PCDHA13: variants seen among roughly 807,000 people sequenced by gnomAD.
The protein encoded by PCDHA13 is protocadherin alpha-13.
Under a neutral mutation model 64.8 loss-of-function variants are expected in PCDHA13, and 54 were observed. That is an observed-to-expected ratio of 0.83 (90% CI 0.67 to 1.04). The LOEUF (loss-of-function observed/expected upper bound fraction) is 1.04, where lower values mean the gene tolerates loss of function less well. PCDHA13 is among the 50% of genes least tolerant of loss of function. PCDHA13 has a pLI of 0.00. For missense variants in PCDHA13, 1,248 were observed against 1,254.3 expected, an observed-to-expected ratio of 0.99 and a Z score of 0.08; for synonymous variants, 587 against 564.4, an observed-to-expected ratio of 1.04 and a Z score of -0.57.
At chr5:140,967,671 A>G in intron 1 of PCDHA13, 1 of 1,614,130 alleles carries the variant, frequency 6.2e-7, no homozygotes, top group Non-Finnish European at 8.5e-7. Context: ...TACACGTCGG[A>G]CCGGGAGAGG....
At chr5:140,936,519 G>A (rs77875081) in intron 1 of PCDHA13, among the ~76,000 whole-genome samples, 2,263 of 152,276 alleles carry the variant, frequency 0.015, 25 homozygotes, top group Non-Finnish European at 0.022. Context: ...TAAATTACCT[G>A]AAATTGCTTT....
At chr5:140,964,753 T>A (rs1411001872) in intron 1 of PCDHA13, among the ~76,000 whole-genome samples, 1 of 149,084 alleles carries the variant, frequency 6.7e-6, no homozygotes, top group East Asian at 1.9e-4. Context: ...TGTAGGGATG[T>A]TTGGGGAGGA....
chr5:140,894,554 G>GAAA (rs1204407145), intron 1 of PCDHA13, among the ~76,000 whole-genome samples: 2 of 151,600 alleles, frequency 1.3e-5, no homozygotes, highest in African/African-American at 4.8e-5. Context: ...GTTTACTTCT[G>GAAA]AAAAAATTAT....
At chr5:140,911,589 C>A (rs1583792136) in intron 1 of PCDHA13, among the ~76,000 whole-genome samples, 1 of 152,302 alleles carries the variant, frequency 6.6e-6, no homozygotes, top group Middle Eastern at 3.4e-3. Flanking sequence ...TTAGGAGGAA[C>A]CAACCAACTT....
Position 140,884,054 on chromosome 5 carries a change from G to C in PCDHA13, c.1786G>C (p.Ala596Pro), listed in dbSNP as rs1313975286. 8 of 1,613,390 alleles carry C rather than the reference G, an allele frequency of 5.0e-6. No individual in the cohort carries two copies. Among genetic ancestry groups the C allele is most frequent in the Non-Finnish European group, 4.2e-6 (5 of 1,179,760 alleles). Residue 596 changes from alanine (A) to proline (P), a missense_variant, in exon 1 of 4, where the codon GCG (alanine) becomes CCG (proline). Transcript: ENST00000289272. ...AGGCCACGTGGTGGCGAAGGTGCGC[G>C]CGGTGGACGCCGATTCGGGCTACAA... ...GAGHVVAKVRAVDADSGYNAW... is the reference protein window; with the variant it reads ...GAGHVVAKVRPVDADSGYNAW...
chr5:140,975,903 C>A (rs1189531342), intron 1 of PCDHA13, among the ~76,000 whole-genome samples: 1 of 152,090 alleles, frequency 6.6e-6, no homozygotes, highest in Admixed American at 6.6e-5. Context: ...AGTTTTGTGA[C>A]CATTATTCTA....
At chr5:140,959,602 C>CTT (rs1554224184) in intron 1 of PCDHA13, among the ~76,000 whole-genome samples, 1 of 152,008 alleles carries the variant, frequency 6.6e-6, no homozygotes, top group African/African-American at 2.4e-5. Context: ...GTATAACATG[C>CTT]TTTTCTTGCT....
chr5:140,948,017 T>TTTTCC (rs1351599974), intron 1 of PCDHA13, among the ~76,000 whole-genome samples: 1 of 151,262 alleles, frequency 6.6e-6, no homozygotes, highest in African/African-American at 2.4e-5. Flanking sequence ...GGAAGTACCC[T>TTTTCC]TTCTGGTTTG....
chr5:140,940,164 A>G (rs2092564000), intron 1 of PCDHA13, among the ~76,000 whole-genome samples: 1 of 152,170 alleles, frequency 6.6e-6, no homozygotes, highest in Non-Finnish European at 1.5e-5. Context: ...TTTGCCTGAA[A>G]TGTCATTCTT....
chr5:140,980,699 A>G (rs1183109723), intron 2 of PCDHA13, among the ~76,000 whole-genome samples: 1 of 152,186 alleles, frequency 6.6e-6, no homozygotes, highest in African/African-American at 2.4e-5. Flanking sequence ...AAAAAAGCCA[A>G]ATGTGCTCCT....
chr5:140,957,778 A>G (rs1554223119), intron 1 of PCDHA13, among the ~76,000 whole-genome samples: 4 of 152,122 alleles, frequency 2.6e-5, no homozygotes, highest in African/African-American at 9.7e-5. Context: ...AGTAAAAACT[A>G]AGTTCATCAT....
At chr5:140,995,698 G>A (rs963042409) in intron 3 of PCDHA13, among the ~76,000 whole-genome samples, 2 of 152,104 alleles carry the variant, frequency 1.3e-5, no homozygotes, top group African/African-American at 2.4e-5. Flanking sequence ...TTAAATAAAG[G>A]GCTGGGCTTG....
At chr5:140,926,664 C>T (rs2083450429) in intron 1 of PCDHA13, 1 of 546,968 alleles carries the variant, frequency 1.8e-6, no homozygotes, top group East Asian at 3.5e-5. Context: ...CTTTCCCAGA[C>T]GGCTGCCCAG....
At chr5:140,965,143 G>A (rs1451263269) in intron 1 of PCDHA13, among the ~76,000 whole-genome samples, 1 of 152,230 alleles carries the variant, frequency 6.6e-6, no homozygotes, top group Admixed American at 6.5e-5. Context: ...AGAATACTGG[G>A]AGATGAAGAG....
intron 1 of PCDHA13, among the ~76,000 whole-genome samples, chr5:140,977,523 C>G (rs1393138256): frequency 2.0e-5 from 3 of 152,070 alleles, no homozygotes; most frequent in African/African-American, 7.2e-5. Flanking sequence ...AACTTGAAAA[C>G]AAAGGAGGAA....
At chr5:140,967,424 G>A (rs1554229541) in intron 1 of PCDHA13, 4 of 1,613,184 alleles carry the variant, frequency 2.5e-6, no homozygotes, top group Non-Finnish European at 2.5e-6. Context: ...CCGGGAGCAG[G>A]CAGCCTTGCA....
At chr5:140,976,338 G>A (rs1554237535) in intron 1 of PCDHA13, among the ~76,000 whole-genome samples, 1 of 152,018 alleles carries the variant, frequency 6.6e-6, no homozygotes, top group Non-Finnish European at 1.5e-5. Flanking sequence ...ATTGCCTGAG[G>A]TCAGGTGTTC....
At chr5:140,993,460 T>A (rs1416332490) in intron 3 of PCDHA13, among the ~76,000 whole-genome samples, 1 of 104,506 alleles carries the variant, frequency 9.6e-6, no homozygotes, top group Non-Finnish European at 1.9e-5. Context: ...CTTCTTTCTT[T>A]CTCACACACA....
chr5:140,927,128 A>T (rs2083872958), intron 1 of PCDHA13: 2 of 1,613,878 alleles, frequency 1.2e-6, no homozygotes, highest in Non-Finnish European at 1.7e-6. Context: ...GTGGTCAGAG[A>T]GCCGGCGGAC....
Sources: gnomAD v4.1 joint callset for allele counts (sites outside exome capture counted in the v4.1 genomes callset) on GRCh38, gnomAD v4.1.1 for gene constraint, MANE v1.5 for transcripts, NCBI Gene and HGNC (gene_info 2026-07-23, HGNC 2026-07-21) for gene names.